The following KHDRBS2 variants were observed in gnomAD, a reference collection of about 807,000 sequenced individuals.
KHDRBS2 encodes KH RNA binding domain containing, signal transduction associated 2.
Under a neutral mutation model 44.3 loss-of-function variants are expected in KHDRBS2, and 26 were observed. The ratio of observed to expected loss-of-function variants is 0.59; its 90% CI spans 0.43 to 0.81. The LOEUF is 0.81. KHDRBS2 is among the 40% of genes least tolerant of loss of function. KHDRBS2 has a pLI of 0.00. For synonymous variants in KHDRBS2, 194 were observed against 151.1 expected (o/e 1.28, Z -2.08); for missense variants, 476 against 433.1 (o/e 1.10, Z -0.88).
At chr6:61,816,166 T>C (rs1788898116) in intron 6 of KHDRBS2, among the ~76,000 whole-genome samples, 1 of 152,170 alleles carries the variant, frequency 6.6e-6, no homozygotes, top group Non-Finnish European at 1.5e-5. Context: ...CACAAAAAAG[T>C]TGTTATTGGT....
chr6:61,551,268 C>A, the KHDRBS2 span, among the ~76,000 whole-genome samples: 2 of 152,062 alleles, frequency 1.3e-5, no homozygotes, highest in Non-Finnish European at 2.9e-5. Flanking sequence ...GGTTATTAGA[C>A]CTTTGTCAGA....
At chr6:61,772,590 A>G (rs1781129815) in intron 6 of KHDRBS2, among the ~76,000 whole-genome samples, 1 of 152,190 alleles carries the variant, frequency 6.6e-6, no homozygotes, top group African/African-American at 2.4e-5. Flanking sequence ...CTTGACACAT[A>G]CATCCTCTCA....
rs550251290 is a variant in KHDRBS2 at position 61,853,439 on chromosome 6, C to A, written c.810+41196G>T. ...ATAAACATAATTACAGTTATGTGAT[C>A]AAAAACCTAGGCATAAAAAAAAGAC... On this transcript the variant is annotated intron_variant, in intron 6 of 8. Transcript: ENST00000281156. Among the ~76,000 whole-genome samples the A allele has an allele frequency of 1.2e-4, 18 of 152,086 alleles. No individual in the cohort carries two copies. In the South Asian group the frequency reaches 3.1e-3, roughly 26 times the overall value.
At chr6:61,577,548 C>T in the KHDRBS2 span, among the ~76,000 whole-genome samples, 4 of 151,986 alleles carry the variant, frequency 2.6e-5, no homozygotes, top group Non-Finnish European at 5.9e-5. Context: ...AGACTTTGAA[C>T]GTTTATATAG....
intron 6 of KHDRBS2, among the ~76,000 whole-genome samples, chr6:61,788,954 T>C (rs1784229582): frequency 6.6e-6 from 1 of 151,402 alleles, no homozygotes; most frequent in Admixed American, 6.6e-5. Context: ...AAAGTGTTAA[T>C]AGTAAGATTT....
At chr6:61,558,949 G>C in the KHDRBS2 span, among the ~76,000 whole-genome samples, 1 of 152,056 alleles carries the variant, frequency 6.6e-6, no homozygotes, top group Non-Finnish European at 1.5e-5. Flanking sequence ...TCTTAGTGTA[G>C]ATTAAGTGTG....
chr6:62,255,150 C>A (rs1837156378), intron 1 of KHDRBS2, among the ~76,000 whole-genome samples: 1 of 151,934 alleles, frequency 6.6e-6, no homozygotes, highest in South Asian at 2.1e-4. Flanking sequence ...ACAAATAGAT[C>A]ATCTTCCCAA....
chr6:61,907,481 C>T (rs1805247616), intron 4 of KHDRBS2, among the ~76,000 whole-genome samples: 1 of 152,146 alleles, frequency 6.6e-6, no homozygotes, highest in African/African-American at 2.4e-5. Context: ...AATCTTTCCC[C>T]AAACTGATGT....
chr6:62,244,116 T>A (rs1259128269), intron 1 of KHDRBS2, among the ~76,000 whole-genome samples: 1 of 152,176 alleles, frequency 6.6e-6, no homozygotes, highest in Non-Finnish European at 1.5e-5. Context: ...TTAAAAAAGA[T>A]TCCTGAGTTT....
At chr6:62,010,890 A>G (rs2127269070) in intron 3 of KHDRBS2, among the ~76,000 whole-genome samples, 1 of 152,332 alleles carries the variant, frequency 6.6e-6, no homozygotes, top group South Asian at 2.1e-4. Context: ...AATAATAAAG[A>G]AAAACCTATC....
chr6:61,672,114 G>A, the KHDRBS2 span, among the ~76,000 whole-genome samples: 1 of 127,642 alleles, frequency 7.8e-6, no homozygotes, highest in Admixed American at 8.2e-5. Context: ...TTTGTTCTTG[G>A]GATAGTTTAC....
the KHDRBS2 span, among the ~76,000 whole-genome samples, chr6:61,580,301 C>A: frequency 2.3e-4 from 35 of 152,220 alleles, no homozygotes; most frequent in African/African-American, 8.4e-4. Context: ...TATAAATGCA[C>A]CAATCATTAC....
chr6:62,071,515 G>A (rs1458833628), intron 2 of KHDRBS2, among the ~76,000 whole-genome samples: 1 of 152,100 alleles, frequency 6.6e-6, no homozygotes, highest in East Asian at 1.9e-4. Context: ...ATTAATTTTT[G>A]TACAACTTGT....
chr6:62,102,298 G>A (rs1445264010), intron 2 of KHDRBS2, among the ~76,000 whole-genome samples: 2 of 152,176 alleles, frequency 1.3e-5, no homozygotes, highest in Non-Finnish European at 1.5e-5. Flanking sequence ...ACCCAAGACT[G>A]GGTAATTTAT....
intron 2 of KHDRBS2, among the ~76,000 whole-genome samples, chr6:62,059,884 AC>A (rs767065743): frequency 6.6e-5 from 10 of 151,904 alleles, no homozygotes; most frequent in Admixed American, 2.0e-4. Context: ...ATTTAAAAAA[AC>A]AAGGGAAAAC....
intron 6 of KHDRBS2, among the ~76,000 whole-genome samples, chr6:61,759,612 C>G (rs2127572025): frequency 6.6e-6 from 1 of 152,188 alleles, no homozygotes; most frequent in Admixed American, 6.5e-5. Context: ...AAGATGCGGT[C>G]AAACTCACTA....
the KHDRBS2 span, among the ~76,000 whole-genome samples, chr6:61,607,080 G>C: frequency 2.0e-5 from 3 of 151,818 alleles, no homozygotes; most frequent in Non-Finnish European, 2.9e-5. Context: ...AAAACTTCAG[G>C]ATACGCATGA....
the KHDRBS2 span, among the ~76,000 whole-genome samples, chr6:61,581,917 A>G: frequency 2.6e-5 from 4 of 151,680 alleles, no homozygotes; most frequent in Non-Finnish European, 5.9e-5. Flanking sequence ...TAGAAATTAT[A>G]GCAACCATAT....
chr6:61,715,459 G>T (rs1245536361), intron 7 of KHDRBS2, among the ~76,000 whole-genome samples: 2 of 151,580 alleles, frequency 1.3e-5, no homozygotes, highest in South Asian at 2.1e-4. Context: ...TATCTGATCT[G>T]CCTGAAGAAA....
Sources: gnomAD v4.1 joint callset for allele counts (sites outside exome capture counted in the v4.1 genomes callset) on GRCh38, gnomAD v4.1.1 for gene constraint, MANE v1.5 for transcripts, NCBI Gene and HGNC (gene_info 2026-07-23, HGNC 2026-07-21) for gene names.